Variants in HMG20A observed in about 807,000 individuals in gnomAD.
HMG20A encodes high mobility group 20A, also known as high mobility group protein 20A.
Under a neutral mutation model 43.9 loss-of-function variants are expected in HMG20A, and 17 were observed. The observed-to-expected ratio is 0.39, with a 90% CI of 0.27 to 0.58. The LOEUF is 0.58. Among genes scored for constraint, HMG20A ranks in the 20% least tolerant of loss-of-function variants. HMG20A has a pLI of 0.59. For synonymous variants in HMG20A, 132 were observed against 147.5 expected, an observed-to-expected ratio of 0.89 and a Z score of 0.76; for missense variants, 341 against 438.2, an observed-to-expected ratio of 0.78 and a Z score of 1.98.
chr15:77,456,728 G>GAT (rs1388087797), intron 1 of HMG20A, among the ~76,000 whole-genome samples: 2 of 151,628 alleles, frequency 1.3e-5, no homozygotes, highest in African/African-American at 4.9e-5. Flanking sequence ...AGTCTGTATG[G>GAT]TATCTAACAG....
At chr15:77,512,793 GTTAA>G in the HMG20A span, among the ~76,000 whole-genome samples, 4 of 151,814 alleles carry the variant, frequency 2.6e-5, no homozygotes, top group East Asian at 1.9e-4. Context: ...TTAATTATAA[GTTAA>G]TTAATAAGTA....
chr15:77,421,165 T>G, intron 1 of HMG20A, 161 bp downstream of exon 1: 5 of 179,964 alleles, frequency 2.8e-5, no homozygotes, highest in Non-Finnish European at 4.4e-5. Flanking sequence ...AGGAAGGCCG[T>G]CCTGGGGAGG....
chr15:77,471,839 C>A, intron 6 of HMG20A, 25 bp downstream of exon 6: 1 of 1,309,210 alleles, frequency 7.6e-7, no homozygotes, highest in Non-Finnish European at 1.1e-6. Context: ...GTCTACATAT[C>A]ATATATATGT....
At chr15:77,497,659 G>C in the HMG20A span, among the ~76,000 whole-genome samples, 2 of 92,698 alleles carry the variant, frequency 2.2e-5, no homozygotes. Flanking sequence ...TATTAATAGA[G>C]AGAGAGAGAG....
the HMG20A span, among the ~76,000 whole-genome samples, chr15:77,493,435 T>C: frequency 1.3e-5 from 2 of 152,116 alleles, no homozygotes; most frequent in East Asian, 1.9e-4. Flanking sequence ...CAGCAAGAGA[T>C]AGGAGAGAGG....
At chr15:77,424,147 A>G (rs538421698) in intron 1 of HMG20A, among the ~76,000 whole-genome samples, 1 of 152,342 alleles carries the variant, frequency 6.6e-6, no homozygotes, top group Admixed American at 6.5e-5. Context: ...GTAAAGAAGC[A>G]GCCCTAAACT....
At chr15:77,474,440 A>G (rs1341368381) in intron 6 of HMG20A, among the ~76,000 whole-genome samples, 1 of 152,204 alleles carries the variant, frequency 6.6e-6, no homozygotes, top group African/African-American at 2.4e-5. Flanking sequence ...CACTTACTGA[A>G]TTAAATTAGA....
intron 4 of HMG20A, among the ~76,000 whole-genome samples, chr15:77,469,456 C>T (rs917715331): frequency 6.6e-6 from 1 of 151,962 alleles, no homozygotes; most frequent in Non-Finnish European, 1.5e-5. Flanking sequence ...AAGCACCCCT[C>T]CCACCTTAGC....
rs182439392 is a variant in HMG20A at position 77,429,230 on chromosome 15, T to G, written c.-5+8226T>G. On this transcript the variant is annotated intron_variant, in intron 1 of 9. Transcript: ENST00000336216. ...TGGTGGGTTTTTTTGTTTTTTTTGT[T>G]TTTTTGAGACGGAGTCTTGCTCTGT... Among the ~76,000 whole-genome samples, 188 of 152,110 alleles carry G rather than the reference T, an allele frequency of 1.2e-3. 1 individual carries two copies. Among genetic ancestry groups the G allele is most frequent in the African/African-American group, 4.4e-3 (183 of 41,494 alleles).
intron 1 of HMG20A, among the ~76,000 whole-genome samples, chr15:77,455,634 C>T (rs1352252137): frequency 2.0e-5 from 3 of 152,154 alleles, no homozygotes; most frequent in African/African-American, 7.2e-5. Flanking sequence ...AAGAGCCAAA[C>T]TTGTATATTG....
At chr15:77,480,749 A>C (rs1188720863) in intron 9 of HMG20A, among the ~76,000 whole-genome samples, 4 of 146,718 alleles carry the variant, frequency 2.7e-5, no homozygotes, top group Non-Finnish European at 6.0e-5. Context: ...GAAGAGATCT[A>C]CCCATGACAC....
chr15:77,515,185 G>C, the HMG20A span, among the ~76,000 whole-genome samples: 1 of 152,114 alleles, frequency 6.6e-6, no homozygotes, highest in Non-Finnish European at 1.5e-5. Context: ...GGGGCAAGAC[G>C]GGTACACAAA....
intron 1 of HMG20A, 113 bp downstream of exon 1, chr15:77,421,117 C>G (rs1341515008): frequency 5.5e-6 from 2 of 366,636 alleles, no homozygotes; most frequent in African/African-American, 4.2e-5. Context: ...TGGAGGCCGG[C>G]TGAATGGGGG....
chr15:77,449,068 T>A (rs1028277753), intron 1 of HMG20A, among the ~76,000 whole-genome samples: 4 of 151,718 alleles, frequency 2.6e-5, no homozygotes, highest in Admixed American at 1.3e-4. Context: ...AAATAAATAA[T>A]AAAATAAAGA....
intron 1 of HMG20A, among the ~76,000 whole-genome samples, chr15:77,449,484 A>G (rs1233632181): frequency 6.6e-6 from 1 of 152,166 alleles, no homozygotes; most frequent in Non-Finnish European, 1.5e-5. Context: ...CAGCTGGTAG[A>G]CTACTCTCTA....
the HMG20A span, among the ~76,000 whole-genome samples, chr15:77,509,557 TGTGTG>T: frequency 3.0e-3 from 1 of 334 alleles, no homozygotes; most frequent in East Asian, 0.25. Flanking sequence ...TGCCCAGCCG[TGTGTG>T]TGTGTGTGTG....
the HMG20A span, among the ~76,000 whole-genome samples, chr15:77,500,576 T>C: frequency 3.3e-5 from 5 of 150,834 alleles, no homozygotes; most frequent in African/African-American, 1.2e-4. Flanking sequence ...TTTTTTTTTT[T>C]TGAGACAAAG....
chr15:77,460,236 A>C (rs1165773688), intron 2 of HMG20A, among the ~76,000 whole-genome samples: 1 of 152,184 alleles, frequency 6.6e-6, no homozygotes, highest in Non-Finnish European at 1.5e-5. Context: ...GATAATGGGA[A>C]TGAGGGGTAG....
intron 1 of HMG20A, among the ~76,000 whole-genome samples, chr15:77,430,441 G>GA (rs2073473131): frequency 6.6e-6 from 1 of 152,222 alleles, no homozygotes. Context: ...AGGCATCAGA[G>GA]ACCTGCTGAG....
Sources: gnomAD v4.1 joint callset for allele counts (sites outside exome capture counted in the v4.1 genomes callset) on GRCh38, gnomAD v4.1.1 for gene constraint, MANE v1.5 for transcripts, NCBI Gene and HGNC (gene_info 2026-07-23, HGNC 2026-07-21) for gene names.